Variants in TNRC18 observed in about 807,000 individuals in gnomAD.
TNRC18 encodes trinucleotide repeat-containing gene 18 protein.
In TNRC18, 69 loss-of-function variants were observed where a neutral mutation model predicts 226.7. The ratio of observed to expected loss-of-function variants is 0.30; its 90% confidence interval spans 0.25 to 0.37. TNRC18 has a LOEUF of 0.37. TNRC18 is among the 10% of genes least tolerant of loss of function. The pLI is 1.00. For synonymous variants in TNRC18, 2,449 were observed against 1,927.6 expected (o/e 1.27, Z -7.09); for missense variants, 4,754 against 4,256.6 (o/e 1.12, Z -3.25).
At chr7:5,376,580 G>C (rs1283084378) in intron 8 of TNRC18, among the ~76,000 whole-genome samples, 1 of 152,174 alleles carries the variant, frequency 6.6e-6, no homozygotes, top group East Asian at 1.9e-4. Flanking sequence ...TGGGGAGGCG[G>C]TGGCGCCAGG....
At chr7:5,422,171 C>G (rs138977539) in intron 1 of TNRC18, among the ~76,000 whole-genome samples, 1 of 152,234 alleles carries the variant, frequency 6.6e-6, no homozygotes, top group African/African-American at 2.4e-5. Flanking sequence ...GCATTCTCGC[C>G]TAAGGACTGG....
chr7:5,325,415 T>TA (rs1471777513), intron 19 of TNRC18, 167 bp from the exon 20 acceptor site: 1 of 749,242 alleles, frequency 1.3e-6, no homozygotes, highest in Admixed American at 3.7e-5. Flanking sequence ...TTTTTGGTTT[T>TA]GGGTTTTTTT....
At chr7:5,365,857 G>T (rs531865876) in intron 11 of TNRC18, among the ~76,000 whole-genome samples, 1 of 152,132 alleles carries the variant, frequency 6.6e-6, no homozygotes, top group East Asian at 1.9e-4. Context: ...ATCACCTGAG[G>T]TCAGGAGTTC....
At chr7:5,354,969 A>G (rs1041861611) in intron 16 of TNRC18, among the ~76,000 whole-genome samples, 1 of 152,212 alleles carries the variant, frequency 6.6e-6, no homozygotes, top group Non-Finnish European at 1.5e-5. Flanking sequence ...TTCTCCGCCC[A>G]TGAACCGGCC....
Position 5,388,088 on chromosome 7 carries a change from G to C in TNRC18, c.1736C>G (p.Ser579Cys), listed in dbSNP as rs752910195. 5.1e-6 allele frequency: 8 copies of C among 1,554,424 alleles called. No individual in the cohort carries two copies. In the South Asian group the frequency reaches 9.5e-5, roughly 18 times the overall value. Residue 579 changes from serine (S) to cysteine (C), a missense_variant, in exon 5 of 30, where the codon TCT becomes TGT. By Grantham distance (112) the Ser-to-Cys change is moderately radical. Transcript: ENST00000430969. ...GCTCTGCATGGCCGAGGCCTCTCCA[G>C]ACCCGTGGGCCGCAGAGTGCATGTC... is the stretch of plus-strand genomic sequence containing the variant. ...VADMHSAAHG[S>C]GEASAMQSLI...
Position 5,319,939 on chromosome 7 carries a change from G to A in TNRC18, c.6745+379C>T, listed in dbSNP as rs147815981. ...AGGGATGAGAATCTGACCCAGGCCC[G>A]GTCGATCAGACTCACGGCAGTAGGA... On this transcript the variant is annotated intron_variant, in intron 24 of 29. Transcript: ENST00000430969. Among the ~76,000 whole-genome samples the A allele has an allele frequency of 5.8e-3, 886 of 152,314 alleles. 7 individuals carry two copies. Among genetic ancestry groups the A allele is most frequent in the African/African-American group, 0.021 (858 of 41,562 alleles).
rs1163866641 is a variant in TNRC18 at position 5,389,080 on chromosome 7, C to T, written c.744G>A (p.Glu248=). The T allele has an allele frequency of 2.3e-6, 3 of 1,281,330 alleles. No individual in the cohort carries two copies. The highest frequency in any genetic ancestry group is 1.6e-5 in the African/African-American group (1 of 62,212). The allele number at this position is 1,281,330 out of a possible 1,614,324, so 79.4% of individuals were successfully genotyped here. A position where few individuals can be genotyped will look rare whatever the true frequency, so the allele number is the denominator to read the frequency against. The change falls in exon 5 of 30, where the codon GAG becomes GAA. Residue 248 remains glutamate, a synonymous_variant. Transcript: ENST00000430969. Reference sequence around the variant, plus strand: ...GCGGGGGCCCCCGGTCCTGGCGGCCCTCGGCGCGCGCCTCCTGGGTCAGGT... The same window carrying T: ...GCGGGGGCCCCCGGTCCTGGCGGCCTTCGGCGCGCGCCTCCTGGGTCAGGT... The part of the protein sequence containing the change: ...VVDLTQEARA[E]GRQDRGPPRL...
chr7:5,314,502 TCA>T (rs542652850), intron 26 of TNRC18, among the ~76,000 whole-genome samples: 60 of 150,130 alleles, frequency 4.0e-4, no homozygotes, highest in African/African-American at 1.4e-3. Context: ...TCCCTCAGCC[TCA>T]GTTTCCTCAT....
At chr7:5,369,597 C>T (rs970973619) in intron 11 of TNRC18, among the ~76,000 whole-genome samples, 4 of 151,796 alleles carry the variant, frequency 2.6e-5, no homozygotes, top group African/African-American at 9.7e-5. Flanking sequence ...GGGAAGGAGA[C>T]GGGGACACAG....
rs950508175 is a variant in TNRC18, at chr7:5,398,835, G to T, written c.188-4240C>A. ...GATGGGGTCTTACTATGTTGCCCAG[G>T]CTGGTCTCAAACTCCTGGCCTCGTG... On this transcript the variant is annotated intron_variant, in intron 2 of 29. Coordinates refer to ENST00000430969, the MANE Select transcript of TNRC18 (RefSeq NM_001080495.3). Among the ~76,000 whole-genome samples the T allele has an allele frequency of 2.0e-5, 3 of 151,108 alleles. No individual in the cohort carries two copies. In the Admixed American group the frequency reaches 2.0e-4, roughly 10 times the overall value.
At chr7:5,310,902 T>TTGTGCACGTGTTCATGTG (rs1477185250) in intron 27 of TNRC18, among the ~76,000 whole-genome samples, 4 of 152,164 alleles carry the variant, frequency 2.6e-5, no homozygotes, top group Non-Finnish European at 5.9e-5. Flanking sequence ...ATCTGTGCAT[T>TTGTGCACGTGTTCATGTG]TGTGCACGTG....
intron 18 of TNRC18, among the ~76,000 whole-genome samples, chr7:5,343,600 T>C (rs745792298): frequency 1.3e-5 from 2 of 152,186 alleles, no homozygotes; most frequent in Non-Finnish European, 2.9e-5. Flanking sequence ...TTTTTCTGTT[T>C]ATTTTTTGTA....
intron 22 of TNRC18, 56 bp downstream of exon 22, chr7:5,321,017 G>C: frequency 1.5e-6 from 2 of 1,291,332 alleles, no homozygotes; most frequent in African/African-American, 1.5e-5. Flanking sequence ...AGGCGGCCGG[G>C]ACACGGGGCG....
intron 24 of TNRC18, among the ~76,000 whole-genome samples, chr7:5,318,384 A>G (rs76808378): frequency 0.099 from 14,989 of 152,168 alleles, 872 homozygotes; most frequent in Admixed American, 0.16. Context: ...TTAGAAGATA[A>G]AAGTAGAGAA....
At chr7:5,366,812 TACA>T (rs1793671483) in intron 11 of TNRC18, among the ~76,000 whole-genome samples, 1 of 152,168 alleles carries the variant, frequency 6.6e-6, no homozygotes, top group African/African-American at 2.4e-5. Flanking sequence ...GGGACCAAGG[TACA>T]ACTCTGTCAC....
chr7:5,312,455 C>A lies in TNRC18; in HGVS notation c.8388+48G>T. 2.5e-6 allele frequency: 4 copies of A among 1,592,448 alleles called. No individual in the cohort carries two copies. Among genetic ancestry groups the A allele is most frequent in the Non-Finnish European group, 3.4e-6 (4 of 1,172,740 alleles). ...TGAAGCCGTGGGCCCAGCAGAGAGA[C>A]ACAAGGCCCCCGGCCCCTCGGCCGT... On this transcript the variant is annotated intron_variant, in intron 27 of 29. Transcript: ENST00000430969. This position sits in a 1 kb window ranked among gnomAD's most constrained non-coding sequence, Gnocchi z 6.3.
At chr7:5,341,569 G>C (rs369457167) in intron 18 of TNRC18, among the ~76,000 whole-genome samples, 23 of 152,118 alleles carry the variant, frequency 1.5e-4, no homozygotes, top group African/African-American at 4.8e-4. Context: ...TTCAAGACCA[G>C]CTGGGCCAAC....
Position 5,314,921 on chromosome 7 carries a change from C to G in TNRC18, c.7027+63G>C. 5 of 1,512,660 alleles carry G rather than the reference C, an allele frequency of 3.3e-6. No individual in the cohort carries two copies. The South Asian group carries it at 6.4e-5, about 19-fold the overall frequency. The allele number at this position is 1,512,660 out of a possible 1,614,324, so 93.7% of individuals were successfully genotyped here. On this transcript the variant is annotated intron_variant, in intron 26 of 29. Coordinates refer to ENST00000430969, the MANE Select transcript of TNRC18 (RefSeq NM_001080495.3). ...AGGCACTTCGGCAGGTTCCCAAGCCCTGAGTTTGGATGCACGAAGGAGATC... is the reference window on the plus strand; with the variant it reads ...AGGCACTTCGGCAGGTTCCCAAGCCGTGAGTTTGGATGCACGAAGGAGATC...
chr7:5,382,263 G>C (rs1365673172), intron 5 of TNRC18, among the ~76,000 whole-genome samples: 1 of 152,206 alleles, frequency 6.6e-6, no homozygotes, highest in East Asian at 1.9e-4. Flanking sequence ...GCCCCACACA[G>C]GGAGTGCCAC....
Sources: allele counts gnomAD v4.1 joint callset (sites outside exome capture counted in the v4.1 genomes callset), GRCh38; gene constraint gnomAD v4.1.1; non-coding constraint Gnocchi (gnomAD v3.1); transcripts MANE v1.5; gene names NCBI Gene and HGNC (gene_info 2026-07-23, HGNC 2026-07-21).